Variants in WTIP observed in about 807,000 individuals in gnomAD.
The protein encoded by WTIP is WT1 interacting protein, also known as Wilms tumor protein 1-interacting protein.
In WTIP, 23 loss-of-function variants were observed where a neutral mutation model predicts 41.7. The ratio of observed to expected loss-of-function variants is 0.55; its 90% CI spans 0.40 to 0.78. The LOEUF (loss-of-function observed/expected upper bound fraction) is 0.78, where lower values mean the gene tolerates loss of function less well. WTIP is among the 30% of genes least tolerant of loss of function. WTIP has a pLI of 0.00. For missense variants in WTIP, 619 were observed against 610.5 expected (o/e 1.01, Z -0.15); for synonymous variants, 314 against 269.9 (o/e 1.16, Z -1.60).
At chr19:34,496,284 T>C (rs1599960264) in intron 7 of WTIP, among the ~76,000 whole-genome samples, 1 of 152,228 alleles carries the variant, frequency 6.6e-6, no homozygotes, top group Non-Finnish European at 1.5e-5. Context: ...TATCTTCTTA[T>C]CTCAACCTCC....
rs2075834424 is a variant in WTIP, at chr19:34,493,159, C to G, written c.837+55C>G. On this transcript the variant is annotated intron_variant, in intron 3 of 7. Transcript: ENST00000590071. This position sits in a 1 kb window ranked among gnomAD's most constrained non-coding sequence, Gnocchi z 4.1. ...AGGGGTGGGAGGTGGGGCAGGGACC[C>G]TCATTCTGACTCGAGTGGAGACCTG... 6.2e-7 allele frequency: 1 copy of G among 1,613,258 alleles called. No individual in the cohort carries two copies. Among genetic ancestry groups the G allele is most frequent in the Non-Finnish European group, 8.5e-7 (1 of 1,179,380 alleles).
intron 7 of WTIP, 29 bp downstream of exon 7, chr19:34,495,800 G>C (rs1054928731): frequency 6.2e-7 from 1 of 1,608,892 alleles, no homozygotes. Flanking sequence ...GAGGCTGGCA[G>C]CTGGGGCAGG....
In WTIP at chr19:34,501,033, C is replaced by T. The variant is rs369491029; in HGVS notation, c.*764C>T. On this transcript the variant is annotated 3_prime_UTR_variant, in exon 8 of 8. Coordinates refer to ENST00000590071, the MANE Select transcript of WTIP (RefSeq NM_001080436.2). ...ACGCTCAGGAGCGATGAGAGGGGCG[C>T]CCTGGCCACGCTTCAGGAAAGCCTG... The T allele has an allele frequency of 6.5e-6, 1 of 152,828 alleles. No individual in the cohort carries two copies. The highest frequency in any genetic ancestry group is 2.4e-5 in the African/African-American group (1 of 41,594). 9.5% of individuals were successfully genotyped at this position (152,828 alleles called of 1,614,324 possible). A position where few individuals can be genotyped will look rare whatever the true frequency, so the allele number is the denominator to read the frequency against.
rs1382868695 is a variant in WTIP at position 34,482,264 on chromosome 19, A to ACGGCGG, written c.297_302dup (p.Gly102_Gly103dup). 5 of 1,292,330 alleles carry ACGGCGG rather than the reference A, an allele frequency of 3.9e-6. No individual in the cohort carries two copies. Among genetic ancestry groups the ACGGCGG allele is most frequent in the Admixed American group, 6.7e-5 (2 of 29,750 alleles). 80.1% of individuals were successfully genotyped at this position (1,292,330 alleles called of 1,614,324 possible). A position where few individuals can be genotyped will look rare whatever the true frequency, so the allele number is the denominator to read the frequency against. On this transcript the variant is annotated inframe_insertion, in exon 1 of 8. Coordinates refer to ENST00000590071, the MANE Select transcript of WTIP (RefSeq NM_001080436.2). ...CCACGGGCCAGCCTGGCGGGGTCCG[A>ACGGCGG]CGGCGGCGGCGGTGGCGGCAGCGCC... is the stretch of plus-strand genomic sequence containing the variant.
intron 7 of WTIP, among the ~76,000 whole-genome samples, chr19:34,496,730 G>C (rs2075856007): frequency 6.6e-6 from 1 of 152,012 alleles, no homozygotes; most frequent in Non-Finnish European, 1.5e-5. Flanking sequence ...GTGAGGGCAG[G>C]GGGAAGAGGG....
intron 1 of WTIP, among the ~76,000 whole-genome samples, chr19:34,487,530 G>A (rs892771848): frequency 7.3e-5 from 11 of 151,624 alleles, no homozygotes; most frequent in Non-Finnish European, 1.3e-4. Context: ...AGAAAGCTGG[G>A]TGCAGGCTGC....
At position 34,500,571 on chromosome 19, in the gene WTIP, T is replaced by A; in HGVS notation, c.*302T>A. ...ACCAGGCTGGAGAGGGCCCCTGCCT[T>A]GGCCAGGGGTGCGAGGTGACCCGGC... is the stretch of plus-strand genomic sequence containing the variant. On this transcript the variant is annotated 3_prime_UTR_variant, in exon 8 of 8. Coordinates refer to ENST00000590071, the MANE Select transcript of WTIP (RefSeq NM_001080436.2). 1 of 325,276 alleles carries A rather than the reference T, an allele frequency of 3.1e-6. No individual in the cohort carries two copies. The highest frequency in any genetic ancestry group is 5.6e-6 in the Non-Finnish European group (1 of 178,414). The allele number at this position is 325,276 out of a possible 1,614,324, so 20.1% of individuals were successfully genotyped here.
At chr19:34,490,050 G>A (rs1205451609) in intron 1 of WTIP, among the ~76,000 whole-genome samples, 1 of 152,216 alleles carries the variant, frequency 6.6e-6, no homozygotes, top group African/African-American at 2.4e-5. Context: ...ACCAGCCTGG[G>A]CAACATAGTG....
rs1341590280 is a variant in WTIP at position 34,502,120 on chromosome 19, A to G, written c.*1851A>G. On this transcript the variant is annotated 3_prime_UTR_variant, in exon 8 of 8. Transcript: ENST00000590071. ...CAGGCGCACGCCACCACGCCCGGCTAATTTTGTATTTTTAGTAGAGATGGG... is the reference window on the plus strand; with the variant it reads ...CAGGCGCACGCCACCACGCCCGGCTGATTTTGTATTTTTAGTAGAGATGGG... 1 of 151,874 alleles carries G rather than the reference A, an allele frequency of 6.6e-6. No individual in the cohort carries two copies. Among genetic ancestry groups the G allele is most frequent in the African/African-American group, 2.4e-5 (1 of 41,250 alleles). 9.4% of individuals were successfully genotyped at this position (151,874 alleles called of 1,614,324 possible).
chr19:34,487,901 G>A (rs534080703), intron 1 of WTIP, among the ~76,000 whole-genome samples: 1 of 152,308 alleles, frequency 6.6e-6, no homozygotes, highest in East Asian at 1.9e-4. Context: ...GGGTTTCCAG[G>A]AGGGCTGGCC....
chr19:34,500,458 C>A lies in WTIP; in HGVS notation c.*189C>A. The A allele has an allele frequency of 1.3e-6, 1 of 789,856 alleles. No homozygotes were observed. The highest frequency in any genetic ancestry group is 2.6e-5 in the South Asian group (1 of 38,490). 48.9% of individuals were successfully genotyped at this position (789,856 alleles called of 1,614,324 possible). A position where few individuals can be genotyped will look rare whatever the true frequency, so the allele number is the denominator to read the frequency against. On this transcript the variant is annotated 3_prime_UTR_variant, in exon 8 of 8. Transcript: ENST00000590071. ...GTCTGTGCCTGCTCAAGTCACTTCC[C>A]TGCGGGCCCTGCCTCCCACCCACCC...
At chr19:34,491,891 G>A (rs2075827210) in intron 2 of WTIP, among the ~76,000 whole-genome samples, 1 of 152,034 alleles carries the variant, frequency 6.6e-6, no homozygotes, top group Admixed American at 6.6e-5. Flanking sequence ...TGATCCATCT[G>A]CCTTGGCCTC....
chr19:34,481,860 C>CGCCCAGGGGTCCCGGGGCGG lies in WTIP; in HGVS notation c.-112_-93dup. On this transcript the variant is annotated 5_prime_UTR_variant, in exon 1 of 8. Coordinates refer to ENST00000590071, the MANE Select transcript of WTIP (RefSeq NM_001080436.2). ...CCGGCGCCGGCCCCGCCCCGCCCCG[C>CGCCCAGGGGTCCCGGGGCGG]GCCCAGGGGTCCCGGGGCGGGCTCC... The CGCCCAGGGGTCCCGGGGCGG allele has an allele frequency of 1.8e-6, 1 of 549,088 alleles. No individual in the cohort carries two copies. 34.0% of individuals were successfully genotyped at this position (549,088 alleles called of 1,614,324 possible).
intron 1 of WTIP, among the ~76,000 whole-genome samples, chr19:34,484,867 C>A (rs1240430428): frequency 6.8e-6 from 1 of 147,882 alleles, no homozygotes; most frequent in Non-Finnish European, 1.5e-5. Flanking sequence ...GAGTTCCAGG[C>A]TGCAACGAGC....
In WTIP at chr19:34,482,306, G is replaced by T; in HGVS notation, c.332G>T (p.Ser111Ile). The change falls in exon 1 of 8, where the codon AGC becomes ATC. Residue 111 changes from serine (S) to isoleucine (I), a missense_variant. Around this residue, in one of 3 missense-constraint regions of WTIP, gnomAD observed 363 missense variants for 309.0 expected, o/e 1.17. Coordinates refer to ENST00000590071, the MANE Select transcript of WTIP (RefSeq NM_001080436.2). ...GGGSARSSGI[S>I]LGYDQRHGSP... ...GGCAGCGCCCGATCCAGCGGCATCA[G>T]CCTGGGCTACGACCAGCGCCACGGC... is the stretch of plus-strand genomic sequence containing the variant. The T allele has an allele frequency of 7.3e-7, 1 of 1,375,474 alleles. No homozygotes were observed. Among genetic ancestry groups the T allele is most frequent in the Non-Finnish European group, 9.5e-7 (1 of 1,057,248 alleles). 85.2% of individuals were successfully genotyped at this position (1,375,474 alleles called of 1,614,324 possible).
chr19:34,484,152 C>G (rs1405573121), intron 1 of WTIP, among the ~76,000 whole-genome samples: 1 of 152,054 alleles, frequency 6.6e-6, no homozygotes, highest in East Asian at 1.9e-4. Flanking sequence ...GTCTTGATCT[C>G]CTGACCTCAT....
intron 5 of WTIP, among the ~76,000 whole-genome samples, 181 bp from the exon 6 acceptor site, chr19:34,494,403 AAG>A (rs2075842201): frequency 6.6e-6 from 1 of 151,508 alleles, no homozygotes; most frequent in Admixed American, 6.6e-5. Context: ...AAAAAAAAAA[AAG>A]AAGAGGCCAG....
In WTIP at chr19:34,493,842, G is replaced by A. The variant is rs756323391; in HGVS notation, c.1031+220G>A. On this transcript the variant is annotated intron_variant, in intron 5 of 7. Transcript: ENST00000590071. The surrounding 1 kb of genome is among the most constrained non-coding windows in gnomAD (Gnocchi z 4.1). ...GTCTTTTGCCTCTTCTCTCCCTATC[G>A]TGGCCTGCATGCTTCTCTACTCCTG... 2.6e-5 allele frequency among the ~76,000 whole-genome samples: 4 copies of A among 151,968 alleles called. No individual in the cohort carries two copies. Among genetic ancestry groups the A allele is most frequent in the East Asian group, 1.9e-4 (1 of 5,148 alleles).
chr19:34,500,217 G>C lies in WTIP; in HGVS notation c.1241G>C (p.Arg414Pro). Residue 414 changes from arginine (R) to proline (P), a missense_variant, in exon 8 of 8, where the codon CGC becomes CCC. Around this residue, in one of 3 missense-constraint regions of WTIP, gnomAD observed 92 missense variants for 82.4 expected, o/e 1.12. Transcript: ENST00000590071. Reference protein sequence around the residue: ...HLLCRRCHLRRLQPGPLPSPT... With the variant: ...HLLCRRCHLRPLQPGPLPSPT... Reference sequence around the variant, plus strand: ...CTGTGTCGTCGTTGCCACCTGCGGCGCCTCCAACCTGGGCCTCTTCCCTCA... The same window carrying C: ...CTGTGTCGTCGTTGCCACCTGCGGCCCCTCCAACCTGGGCCTCTTCCCTCA... The C allele has an allele frequency of 6.2e-7, 1 of 1,606,980 alleles. No individual in the cohort carries two copies. Among genetic ancestry groups the C allele is most frequent in the Non-Finnish European group, 8.5e-7 (1 of 1,179,564 alleles).
Sources: allele counts gnomAD v4.1 joint callset (sites outside exome capture counted in the v4.1 genomes callset), GRCh38; gene constraint gnomAD v4.1.1; regional missense constraint gnomAD v4.1.1; non-coding constraint Gnocchi (gnomAD v3.1); transcripts MANE v1.5; gene names NCBI Gene and HGNC (gene_info 2026-07-23, HGNC 2026-07-21).